COL4A4: variants seen among roughly 807,000 people sequenced by gnomAD.
The protein encoded by COL4A4 is collagen type IV alpha 4 chain.
Under a neutral mutation model 192.9 loss-of-function variants are expected in COL4A4, and 105 were observed. That is an observed-to-expected ratio of 0.54 (90% CI 0.46 to 0.64). The LOEUF is 0.64. COL4A4 is among the 30% of genes least tolerant of loss of function. The pLI is 0.00. For synonymous variants in COL4A4, 762 were observed against 769.9 expected, an observed-to-expected ratio of 0.99 and a Z score of 0.17; for missense variants, 1,967 against 2,169.3, an observed-to-expected ratio of 0.91 and a Z score of 1.85.
intron 3 of COL4A4, among the ~76,000 whole-genome samples, chr2:227,140,990 T>C (rs2063170513): frequency 6.6e-6 from 1 of 151,442 alleles, no homozygotes; most frequent in African/African-American, 2.4e-5. Context: ...CATCATCCAC[T>C]TCCATATAAA....
At chr2:227,023,160 G>T (rs1371752185) in intron 43 of COL4A4, among the ~76,000 whole-genome samples, 1 of 152,024 alleles carries the variant, frequency 6.6e-6, no homozygotes, top group East Asian at 1.9e-4. Context: ...AAAAACACAG[G>T]CTGGGCACGG....
chr2:227,101,137 G>GA (rs1238305170), intron 17 of COL4A4, among the ~76,000 whole-genome samples: 1 of 152,050 alleles, frequency 6.6e-6, no homozygotes, highest in East Asian at 1.9e-4. Flanking sequence ...GATAGTGAAT[G>GA]AGTCTCACAA....
intron 37 of COL4A4, among the ~76,000 whole-genome samples, chr2:227,041,787 GGAAAGAAA>G (rs200641584): frequency 4.5e-5 from 2 of 44,158 alleles, no homozygotes; most frequent in African/African-American, 2.1e-4. Flanking sequence ...AGGAAGGAAG[GGAAAGAAA>G]GAAAGAAAGG....
chr2:227,010,740 CA>C (rs943064285), intron 45 of COL4A4, among the ~76,000 whole-genome samples: 1 of 152,052 alleles, frequency 6.6e-6, no homozygotes, highest in East Asian at 1.9e-4. Flanking sequence ...AGCATAAAGA[CA>C]AAAAACAGAG....
chr2:227,108,046 G>A (rs1017195063), intron 12 of COL4A4, among the ~76,000 whole-genome samples: 11 of 152,092 alleles, frequency 7.2e-5, no homozygotes, highest in Admixed American at 3.3e-4. Flanking sequence ...ATCAGCCATC[G>A]TGCTCAGCCC....
intron 37 of COL4A4, among the ~76,000 whole-genome samples, chr2:227,035,763 C>A (rs1224466101): frequency 6.6e-6 from 1 of 152,166 alleles, no homozygotes; most frequent in Non-Finnish European, 1.5e-5. Flanking sequence ...ACTATTTCCA[C>A]ATGTTTTGAT....
At chr2:227,107,015 G>A (rs904501781) in intron 12 of COL4A4, among the ~76,000 whole-genome samples, 8 of 152,328 alleles carry the variant, frequency 5.3e-5, no homozygotes, top group East Asian at 1.9e-4. Context: ...TTGGACTGGC[G>A]CGGAAAGTCA....
At chr2:227,048,746 A>G (rs1326738679) in intron 34 of COL4A4, among the ~76,000 whole-genome samples, 1 of 152,224 alleles carries the variant, frequency 6.6e-6, no homozygotes, top group African/African-American at 2.4e-5. Flanking sequence ...GAGAAGAGGT[A>G]GGTTTTTACT....
chr2:227,049,929 G>T, intron 34 of COL4A4, 139 bp downstream of exon 34: 1 of 775,184 alleles, frequency 1.3e-6, no homozygotes. Flanking sequence ...TTGAGTGTTT[G>T]ACTGTCTAAC....
At chr2:227,135,195 G>A (rs1171462858) in intron 4 of COL4A4, among the ~76,000 whole-genome samples, 5 of 152,048 alleles carry the variant, frequency 3.3e-5, no homozygotes, top group East Asian at 1.9e-4. Flanking sequence ...GAAAACCCAC[G>A]CCCCATATCA....
chr2:227,017,673 G>A (rs572405899), intron 44 of COL4A4, among the ~76,000 whole-genome samples: 5 of 152,200 alleles, frequency 3.3e-5, no homozygotes, highest in African/African-American at 4.8e-5. Flanking sequence ...GACCCACTTC[G>A]TGTGGCTGTC....
chr2:227,008,434 CTG>C, intron 46 of COL4A4, 130 bp from the exon 47 acceptor site: 1 of 1,071,336 alleles, frequency 9.3e-7, no homozygotes, highest in Non-Finnish European at 1.4e-6. Flanking sequence ...AAGCCTGCTT[CTG>C]TGGTGAGGAA....
the COL4A4 span, among the ~76,000 whole-genome samples, chr2:226,975,879 T>G: frequency 2.9e-4 from 44 of 152,138 alleles, no homozygotes; most frequent in Non-Finnish European, 2.1e-4. Flanking sequence ...ACCTTGTCCC[T>G]CTGAGGGTTC....
chr2:227,062,665 A>G (rs1207936537), intron 25 of COL4A4, 67 bp from the exon 26 acceptor site: 27 of 1,078,326 alleles, frequency 2.5e-5, no homozygotes, highest in Non-Finnish European at 1.9e-5. Context: ...GTCTGTCTCA[A>G]TGACAACTTC....
chr2:226,971,976 T>C, the COL4A4 span, among the ~76,000 whole-genome samples: 1 of 151,956 alleles, frequency 6.6e-6, no homozygotes, highest in African/African-American at 2.4e-5. Flanking sequence ...GTTTGTTACA[T>C]AGGTCACATG....
intron 4 of COL4A4, among the ~76,000 whole-genome samples, chr2:227,134,221 C>G (rs1403943901): frequency 6.6e-6 from 1 of 152,222 alleles, no homozygotes; most frequent in Non-Finnish European, 1.5e-5. Flanking sequence ...CTCCCCATTA[C>G]TACATTCAGG....
At chr2:227,019,504 A>G (rs1965567593) in intron 44 of COL4A4, among the ~76,000 whole-genome samples, 1 of 152,142 alleles carries the variant, frequency 6.6e-6, no homozygotes, top group Non-Finnish European at 1.5e-5. Flanking sequence ...TGCTCCCGCC[A>G]TCTCCCTGTT....
intron 24 of COL4A4, 94 bp from the exon 25 acceptor site, chr2:227,078,171 C>T: frequency 7.8e-7 from 1 of 1,284,060 alleles, no homozygotes; most frequent in Admixed American, 2.0e-5. Flanking sequence ...CGCAAAAGTC[C>T]ATAATTTCAG....
Position 227,041,787 on chromosome 2 carries a change from G to GAAA in COL4A4, c.3505+360_3505+361insTTT, listed in dbSNP as rs1291943683. Among the ~76,000 whole-genome samples, 103 of 44,182 alleles carry GAAA rather than the reference G, an allele frequency of 2.3e-3. 10 individuals carry two copies. Among genetic ancestry groups the GAAA allele is most frequent in the East Asian group, 0.014 (14 of 986 alleles). The allele number at this position is 44,182 out of a possible 152,430, so 29.0% of individuals were successfully genotyped here. On this transcript the variant is annotated intron_variant, in intron 37 of 47. Transcript: ENST00000396625. ...GGAAGGAAGGAAGGAAGGAAGGAAG[G>GAAA]GAAAGAAAGAAAGAAAGGAAGAAAG...
Sources: allele counts gnomAD v4.1 joint callset (sites outside exome capture counted in the v4.1 genomes callset), GRCh38; gene constraint gnomAD v4.1.1; transcripts MANE v1.5; gene names NCBI Gene and HGNC (gene_info 2026-07-23, HGNC 2026-07-21).